The following SRRM4 variants were observed in gnomAD, a reference collection of about 807,000 sequenced individuals.
SRRM4 encodes serine/arginine repetitive matrix protein 4.
A neutral mutation model predicts 68.9 loss-of-function variants in SRRM4; 33 were observed. That is an observed-to-expected ratio of 0.48 (90% confidence interval 0.36 to 0.64). The LOEUF (loss-of-function observed/expected upper bound fraction) is 0.64. SRRM4 is among the 30% of genes least tolerant of loss of function. SRRM4 has a pLI of 0.00. For missense variants in SRRM4, 817 were observed against 827.1 expected, an observed-to-expected ratio of 0.99 and a Z score of 0.15; for synonymous variants, 318 against 318.8, an observed-to-expected ratio of 1.00 and a Z score of 0.03.
At chr12:118,997,025 G>A (rs935208166) in intron 1 of SRRM4, among the ~76,000 whole-genome samples, 8 of 152,176 alleles carry the variant, frequency 5.3e-5, no homozygotes, top group Admixed American at 1.3e-4. Flanking sequence ...CTGGGCAATC[G>A]CTCAGAAGAA....
intron 8 of SRRM4, among the ~76,000 whole-genome samples, chr12:119,142,453 C>T (rs1954371079): frequency 6.6e-6 from 1 of 152,130 alleles, no homozygotes. Flanking sequence ...ATGAACAAGG[C>T]TAGATCCACT....
At chr12:119,031,277 C>T (rs1306668786) in intron 1 of SRRM4, 2 of 152,170 alleles carry the variant, frequency 1.3e-5, no homozygotes, top group Admixed American at 6.5e-5. Flanking sequence ...GCCAAGTGGG[C>T]TCCTTCATAG....
At position 118,981,798 on chromosome 12, in the gene SRRM4, G is replaced by C. The variant is rs1568923; in HGVS notation, c.-85G>C. On this transcript the variant is annotated 5_prime_UTR_variant, in exon 1 of 13. Coordinates refer to ENST00000267260, the MANE Select transcript of SRRM4 (RefSeq NM_194286.4). ...CTCTGGGTTTCACCCGGACAGAGCCGGGAGCTGGGTGTCGCCCCCGTTTGG... is the reference window on the plus strand; with the variant it reads ...CTCTGGGTTTCACCCGGACAGAGCCCGGAGCTGGGTGTCGCCCCCGTTTGG... The C allele has an allele frequency of 0.4, 578,949 of 1,439,996 alleles. 114,213 individuals carry two copies. The highest frequency in any genetic ancestry group is 0.42 in the African/African-American group (30,102 of 70,830). The allele number at this position is 1,439,996 out of a possible 1,614,324, so 89.2% of individuals were successfully genotyped here. A position where few individuals can be genotyped will look rare whatever the true frequency, so the allele number is the denominator to read the frequency against.
At chr12:119,099,682 G>A (rs768263215) in intron 1 of SRRM4, among the ~76,000 whole-genome samples, 5 of 152,150 alleles carry the variant, frequency 3.3e-5, no homozygotes, top group Non-Finnish European at 7.3e-5. Context: ...AACCAGGTTT[G>A]CAGTCTCATC....
chr12:119,048,385 C>G (rs1953720860), intron 1 of SRRM4, among the ~76,000 whole-genome samples: 1 of 152,116 alleles, frequency 6.6e-6, no homozygotes, highest in Middle Eastern at 3.2e-3. Context: ...ATTTAGCGAG[C>G]CCATGTGATG....
At position 119,154,417 on chromosome 12, in the gene SRRM4, T is replaced by C. The variant is rs78132298; in HGVS notation, c.1532+34T>C. On this transcript the variant is annotated intron_variant, in intron 12 of 12. Transcript: ENST00000267260. This position sits in a 1 kb window ranked among gnomAD's most constrained non-coding sequence, Gnocchi z 4.7. The stretch of plus-strand genomic sequence containing the variant: ...AGGGGGCAAGGGGGACCCACCTTCA[T>C]CCTCGTTCCCACTCCCATTCTTACT... 4.9e-3 allele frequency: 7,849 copies of C among 1,605,874 alleles called. 351 individuals carry two copies. The African/African-American group carries it at 0.091, about 19-fold the overall frequency.
rs1294003161 is a variant in SRRM4 at position 119,160,231 on chromosome 12, T to C, written c.*3433T>C. 1 of 151,918 alleles carries C rather than the reference T, an allele frequency of 6.6e-6. No individual in the cohort carries two copies. Among genetic ancestry groups the C allele is most frequent in the African/African-American group, 2.4e-5 (1 of 41,190 alleles). The allele number at this position is 151,918 out of a possible 1,614,324, so 9.4% of individuals were successfully genotyped here. A position where few individuals can be genotyped will look rare whatever the true frequency, so the allele number is the denominator to read the frequency against. On this transcript the variant is annotated 3_prime_UTR_variant, in exon 13 of 13. Coordinates refer to ENST00000267260, the MANE Select transcript of SRRM4 (RefSeq NM_194286.4). ...TTTACAAGAAGGCTGCTTAAATGCC[T>C]GCTTCGGGGAAATCTCTGCCTCTCT...
intron 1 of SRRM4, among the ~76,000 whole-genome samples, chr12:119,010,726 A>G (rs1289446076): frequency 6.6e-6 from 1 of 152,242 alleles, no homozygotes; most frequent in Non-Finnish European, 1.5e-5. Context: ...GGTGAGTTCA[A>G]GAGTGTTTAT....
chr12:119,126,246 A>G (rs1954259451), intron 7 of SRRM4, among the ~76,000 whole-genome samples: 1 of 151,414 alleles, frequency 6.6e-6, no homozygotes, highest in Admixed American at 6.6e-5. Flanking sequence ...CTAGTCTCAA[A>G]CTCCTGACCT....
intron 2 of SRRM4, among the ~76,000 whole-genome samples, chr12:119,105,162 T>C (rs1488121216): frequency 6.6e-6 from 1 of 152,040 alleles, no homozygotes; most frequent in Non-Finnish European, 1.5e-5. Flanking sequence ...TCCTTTTTCA[T>C]GGCTGCATAG....
chr12:118,997,333 G>C (rs1056577488), intron 1 of SRRM4, among the ~76,000 whole-genome samples: 1 of 152,182 alleles, frequency 6.6e-6, no homozygotes, highest in African/African-American at 2.4e-5. Context: ...AGCCCAGTGA[G>C]GTTGTTGTAT....
intron 1 of SRRM4, among the ~76,000 whole-genome samples, chr12:119,009,814 CA>C (rs1953437616): frequency 6.6e-6 from 1 of 152,122 alleles, no homozygotes; most frequent in African/African-American, 2.4e-5. Flanking sequence ...ACAAGGGAAC[CA>C]ACTAACTACA....
At chr12:119,130,551 T>A in intron 7 of SRRM4, 127 bp from the exon 8 acceptor site, 1 of 835,158 alleles carries the variant, frequency 1.2e-6, no homozygotes, top group Non-Finnish European at 1.8e-6. Flanking sequence ...AGGAACAATA[T>A]CACATATGAA....
chr12:119,143,762 C>A (rs1314684874), intron 8 of SRRM4, among the ~76,000 whole-genome samples: 1 of 152,172 alleles, frequency 6.6e-6, no homozygotes, highest in Non-Finnish European at 1.5e-5. Flanking sequence ...TCTACAGAGA[C>A]CTGGAAAGTG....
intron 7 of SRRM4, among the ~76,000 whole-genome samples, chr12:119,126,590 T>C (rs1034203546): frequency 2.0e-5 from 3 of 152,178 alleles, no homozygotes; most frequent in Admixed American, 2.0e-4. Context: ...TCTAATGCCT[T>C]TTCAACTCAG....
chr12:119,027,522 C>T (rs1953556993), intron 1 of SRRM4, among the ~76,000 whole-genome samples: 3 of 151,276 alleles, frequency 2.0e-5, no homozygotes. Flanking sequence ...GTCAGATCTA[C>T]AAGCACTCAT....
chr12:119,054,018 T>C (rs571454944), intron 1 of SRRM4, among the ~76,000 whole-genome samples: 2 of 152,126 alleles, frequency 1.3e-5, no homozygotes, highest in African/African-American at 2.4e-5. Flanking sequence ...CATCCGCACC[T>C]CCCCGCTACC....
intron 2 of SRRM4, among the ~76,000 whole-genome samples, chr12:119,104,054 T>C (rs1954093093): frequency 6.6e-6 from 1 of 152,170 alleles, no homozygotes; most frequent in South Asian, 2.1e-4. Context: ...AGTGTACAAA[T>C]CTTGACCCTG....
chr12:118,996,966 C>T (rs1953353230), intron 1 of SRRM4, among the ~76,000 whole-genome samples: 1 of 152,186 alleles, frequency 6.6e-6, no homozygotes, highest in African/African-American at 2.4e-5. Flanking sequence ...AGGTGGACCT[C>T]ATGGGGCTGA....
Sources: gnomAD v4.1 joint callset for allele counts (sites outside exome capture counted in the v4.1 genomes callset) on GRCh38, gnomAD v4.1.1 for gene constraint, Gnocchi (gnomAD v3.1) non-coding constraint, MANE v1.5 for transcripts, NCBI Gene and HGNC (gene_info 2026-07-23, HGNC 2026-07-21) for gene names.